ANOS1: variants seen among roughly 807,000 people sequenced by gnomAD.
The protein encoded by ANOS1 is anosmin-1.
ANOS1 carries 6 observed loss-of-function variants against 59.0 expected under a neutral mutation model. That is an observed-to-expected ratio of 0.10 (90% CI 0.06 to 0.20). ANOS1 has a LOEUF of 0.20. ANOS1 is among the 10% of genes least tolerant of loss of function. The probability of loss-of-function intolerance (pLI) is 1.00; values close to 1 mark genes in which losing one functional copy is unlikely to be tolerated. For missense variants in ANOS1, 433 were observed against 542.3 expected (o/e 0.80, Z 2.00); for synonymous variants, 217 against 223.4 (o/e 0.97, Z 0.25).
At chrX:8,632,077 T>C (rs1423178107) in intron 2 of ANOS1, among the ~76,000 whole-genome samples, 2 of 111,744 alleles carry the variant, frequency 1.8e-5, no homozygotes, top group Non-Finnish European at 3.8e-5. Context: ...TGGGCTTTAG[T>C]AGTCTTGAAT....
intron 3 of ANOS1, among the ~76,000 whole-genome samples, chrX:8,602,969 C>T (rs1451398080): frequency 3.6e-5 from 4 of 111,497 alleles, no homozygotes; most frequent in Non-Finnish European, 7.5e-5. Flanking sequence ...GATCTCCTGA[C>T]CTCAAGTGAT....
At chrX:8,541,468 G>A (rs1403356524) in intron 9 of ANOS1, among the ~76,000 whole-genome samples, 1 of 101,695 alleles carries the variant, frequency 9.8e-6, no homozygotes, top group African/African-American at 3.6e-5. Flanking sequence ...CAGAAGGTAA[G>A]GGCAGTAGGG....
chrX:8,704,172 C>A (rs936308605), intron 1 of ANOS1, among the ~76,000 whole-genome samples: 1 of 111,887 alleles, frequency 8.9e-6, no homozygotes, highest in Non-Finnish European at 1.9e-5. Flanking sequence ...TGTGAGGCCT[C>A]CCCAGCCATG....
chrX:8,538,342 G>A (rs1929630438), intron 10 of ANOS1, among the ~76,000 whole-genome samples: 1 of 112,282 alleles, frequency 8.9e-6, no homozygotes, highest in Admixed American at 9.4e-5. Flanking sequence ...CTCCATTGTA[G>A]CATAAAAACA....
intron 5 of ANOS1, among the ~76,000 whole-genome samples, chrX:8,585,897 A>G (rs954106515): frequency 8.9e-6 from 1 of 111,996 alleles, no homozygotes; most frequent in African/African-American, 3.2e-5. Context: ...GTCACATAAC[A>G]TCTATGAAGA....
chrX:8,704,148 T>C (rs188353587), intron 1 of ANOS1, among the ~76,000 whole-genome samples: 9 of 112,035 alleles, frequency 8.0e-5, no homozygotes, highest in Admixed American at 3.8e-4. Flanking sequence ...TCCTCCTTTG[T>C]CTTCCACCAT....
chrX:8,584,864 C>A (rs1204503152), intron 6 of ANOS1, among the ~76,000 whole-genome samples: 3 of 111,686 alleles, frequency 2.7e-5, no homozygotes, highest in African/African-American at 6.5e-5. Context: ...ACGTAGGAGT[C>A]AAATTCACTT....
chrX:8,620,008 T>C (rs935947646), intron 3 of ANOS1, among the ~76,000 whole-genome samples: 1 of 112,112 alleles, frequency 8.9e-6, no homozygotes, highest in Non-Finnish European at 1.9e-5. Flanking sequence ...TCATAGCTCA[T>C]TGCAACCTTG....
At chrX:8,727,480 C>T (rs753432550) in intron 1 of ANOS1, among the ~76,000 whole-genome samples, 3 of 112,389 alleles carry the variant, frequency 2.7e-5, no homozygotes, top group South Asian at 3.7e-4. Flanking sequence ...GTGGCCAGCA[C>T]GATTCTGAGA....
chrX:8,702,835 G>A (rs1033406547), intron 1 of ANOS1, among the ~76,000 whole-genome samples: 1 of 112,002 alleles, frequency 8.9e-6, no homozygotes, highest in African/African-American at 3.2e-5. Context: ...GAAGTGGACA[G>A]CCTCAGACCT....
chrX:8,677,142 G>A (rs1569080407), intron 2 of ANOS1, among the ~76,000 whole-genome samples: 2 of 110,965 alleles, frequency 1.8e-5, no homozygotes, highest in African/African-American at 6.6e-5. Flanking sequence ...TCTCACTCTC[G>A]CCACTGTTGA....
intron 1 of ANOS1, among the ~76,000 whole-genome samples, chrX:8,726,016 C>A (rs779615106): frequency 1.8e-5 from 2 of 110,150 alleles, no homozygotes; most frequent in East Asian, 5.7e-4. Context: ...TGCATCGAGT[C>A]GTGGTTCTCC....
intron 3 of ANOS1, among the ~76,000 whole-genome samples, chrX:8,600,770 A>G (rs1394335540): frequency 2.7e-5 from 3 of 112,599 alleles, no homozygotes; most frequent in Non-Finnish European, 5.6e-5. Context: ...ACAGATCTGT[A>G]ACAATTATGT....
At chrX:8,609,555 G>A (rs1250844939) in intron 3 of ANOS1, among the ~76,000 whole-genome samples, 2 of 111,827 alleles carry the variant, frequency 1.8e-5, no homozygotes, top group Non-Finnish European at 3.8e-5. Flanking sequence ...AAATGTCTGA[G>A]AAAGCTTCAT....
At chrX:8,715,444 C>CTT (rs79202549) in intron 1 of ANOS1, among the ~76,000 whole-genome samples, 177 of 95,501 alleles carry the variant, frequency 1.9e-3, no homozygotes, top group African/African-American at 3.5e-3. Flanking sequence ...TTTTCTTTTT[C>CTT]TTTTTTTTTT....
intron 8 of ANOS1, among the ~76,000 whole-genome samples, chrX:8,554,535 T>C (rs186452524): frequency 0.05 from 4,735 of 94,597 alleles, 328 homozygotes; most frequent in African/African-American, 0.17. Context: ...CAGAGCTGGC[T>C]ACAGGAGTTT....
intron 1 of ANOS1, among the ~76,000 whole-genome samples, chrX:8,705,220 T>C (rs1052022552): frequency 2.7e-5 from 3 of 111,806 alleles, no homozygotes; most frequent in Admixed American, 9.6e-5. Context: ...TTAGTATCAC[T>C]TAGGTTCAAT....
At chrX:8,691,526 T>TGGAC (rs1045930756) in intron 2 of ANOS1, among the ~76,000 whole-genome samples, 2 of 111,529 alleles carry the variant, frequency 1.8e-5, no homozygotes, top group African/African-American at 6.5e-5. Context: ...GATGGATGGA[T>TGGAC]GGACGGATGG....
intron 2 of ANOS1, among the ~76,000 whole-genome samples, chrX:8,644,336 C>G (rs966244621): frequency 9.0e-6 from 1 of 110,995 alleles, no homozygotes; most frequent in African/African-American, 3.3e-5. Context: ...GACATGCCTC[C>G]TTCCTTTGGA....
Sources: gnomAD v4.1 joint callset for allele counts (sites outside exome capture counted in the v4.1 genomes callset) on GRCh38, gnomAD v4.1.1 for gene constraint, MANE v1.5 for transcripts, NCBI Gene and HGNC (gene_info 2026-07-23, HGNC 2026-07-21) for gene names.